The following ACOT8 variants were observed in gnomAD, a reference collection of about 807,000 sequenced individuals.
ACOT8 encodes acyl-CoA thioesterase 8.
A neutral mutation model predicts 38.4 loss-of-function variants in ACOT8; 31 were observed. That is an observed-to-expected ratio of 0.81 (90% CI 0.61 to 1.09). The LOEUF is 1.09. Among genes scored for constraint, ACOT8 ranks in the 50% least tolerant of loss-of-function variants. ACOT8 has a pLI of 0.00. For synonymous variants in ACOT8, 158 were observed against 170.3 expected, an observed-to-expected ratio of 0.93 and a Z score of 0.56; for missense variants, 373 against 421.8, an observed-to-expected ratio of 0.88 and a Z score of 1.01.
chr20:45,842,532 C>T (rs988381924), intron 5 of ACOT8: 16 of 1,008,518 alleles, frequency 1.6e-5, no homozygotes, highest in South Asian at 4.1e-5. Flanking sequence ...GAAGAGAGGA[C>T]TTGAGGCCAT....
At chr20:45,855,315 G>A in intron 1 of ACOT8, 23 bp from the exon 2 acceptor site, 7 of 1,613,212 alleles carry the variant, frequency 4.3e-6, no homozygotes, top group Non-Finnish European at 5.1e-6. Context: ...GGGGAAAGAG[G>A]GAAAGACTTG....
In ACOT8 at chr20:45,844,454, C is replaced by T. The variant is rs752014095; in HGVS notation, c.489-34G>A. The T allele has an allele frequency of 1.9e-6, 3 of 1,608,662 alleles. No homozygotes were observed. In the East Asian group the frequency reaches 6.7e-5, roughly 36 times the overall value. ...AAAGGGAAGAGGGTCGGGGTGAGAC[C>T]CAGGAAGAGAGGGAGTCACATCTGC... On this transcript the variant is annotated intron_variant, in intron 3 of 5. Transcript: ENST00000217455.
chr20:45,853,394 T>C (rs541630610), intron 2 of ACOT8: 1 of 152,390 alleles, frequency 6.6e-6, no homozygotes, highest in Non-Finnish European at 1.5e-5. Context: ...TTATGAAGAC[T>C]AAACAAGATA....
At position 45,844,894 on chromosome 20, in the gene ACOT8, C is replaced by G. The variant is rs553993501; in HGVS notation, c.489-474G>C. On this transcript the variant is annotated intron_variant, in intron 3 of 5. Coordinates refer to ENST00000217455, the MANE Select transcript of ACOT8 (RefSeq NM_005469.4). ...AAAAATTGGAGAGACAGGATTTGGA[C>G]TCAGGCAATCTGGGTCCACAGTATG... is the stretch of plus-strand genomic sequence containing the variant. Among the ~76,000 whole-genome samples the G allele has an allele frequency of 2.0e-5, 3 of 152,202 alleles. No homozygotes were observed. The East Asian group carries it at 5.8e-4, about 29-fold the overall frequency.
At chr20:45,855,724 G>C (rs1338984349) in intron 1 of ACOT8, among the ~76,000 whole-genome samples, 2 of 152,196 alleles carry the variant, frequency 1.3e-5, no homozygotes, top group Non-Finnish European at 2.9e-5. Flanking sequence ...CTGCACTCCA[G>C]CCTGGGTGAC....
Position 45,844,264 on chromosome 20 carries a change from A to G in ACOT8, c.645T>C (p.Ile215=). The change falls in exon 4 of 6, where the codon ATT becomes ATC. Residue 215 remains isoleucine (I), a splice_region_variant and synonymous_variant. Coordinates refer to ENST00000217455, the MANE Select transcript of ACOT8 (RefSeq NM_005469.4). ...CTCCCATCCATGGGGTACTCTTACC[A>G]ATATAGCCCCGGGCTCGCACCCAGA... ...QMFWVRARGY[I]GEGDMKMHCC... is the part of the protein sequence containing the mutation. 5 of 1,614,144 alleles carry G rather than the reference A, an allele frequency of 3.1e-6. No homozygotes were observed. The highest frequency in any genetic ancestry group is 4.2e-6 in the Non-Finnish European group (5 of 1,180,020).
In ACOT8 at chr20:45,857,171, C is replaced by T; in HGVS notation, c.128+17G>A. On this transcript the variant is annotated intron_variant, in intron 1 of 5. Transcript: ENST00000217455. ...CTGCCCTAAAGGAGGGGATGCTGGG[C>T]AGGAGCTGCCGGCTACCTGAAGAGA... 1 of 1,607,554 alleles carries T rather than the reference C, an allele frequency of 6.2e-7. No individual in the cohort carries two copies. The highest frequency in any genetic ancestry group is 8.5e-7 in the Non-Finnish European group (1 of 1,176,152).
chr20:45,847,755 A>G (rs1395709609), intron 3 of ACOT8: 1 of 151,194 alleles, frequency 6.6e-6, no homozygotes, highest in Non-Finnish European at 1.5e-5. Flanking sequence ...ATGTATATAT[A>G]TAAACAACAA....
At chr20:45,844,823 C>T (rs906007886) in intron 3 of ACOT8, among the ~76,000 whole-genome samples, 1 of 152,116 alleles carries the variant, frequency 6.6e-6, no homozygotes, top group Admixed American at 6.5e-5. Context: ...CTATTATCAC[C>T]CCCATTTCAT....
chr20:45,845,392 CTT>C (rs200006571), intron 3 of ACOT8, among the ~76,000 whole-genome samples: 4,638 of 152,138 alleles, frequency 0.03, 197 homozygotes, highest in Admixed American at 0.13. Flanking sequence ...GATGGGGTCT[CTT>C]TATGTTGCCC....
intron 5 of ACOT8, chr20:45,842,801 TG>T: frequency 3.0e-6 from 3 of 990,842 alleles, no homozygotes; most frequent in Non-Finnish European, 3.6e-6. Flanking sequence ...TTATCAATCT[TG>T]GATTGTGATG....
rs756689298 is a variant in ACOT8, at chr20:45,843,682, T to C, written c.686A>G (p.Tyr229Cys). 1.3e-5 allele frequency: 21 copies of C among 1,611,918 alleles called. No homozygotes were observed. Among genetic ancestry groups the C allele is most frequent in the South Asian group, 5.5e-5 (5 of 91,060 alleles). Reference protein sequence around the residue: ...DMKMHCCVAAYISDYAFLGTA... With the variant: ...DMKMHCCVAACISDYAFLGTA... ...GCCCAAGAAGGCATAGTCGGAGATA[T>C]AGGCGGCCACGCAGCAGTGCATCTT... The change falls in exon 5 of 6, where the codon TAT (tyrosine) becomes TGT (cysteine). Residue 229 changes from tyrosine (Y) to cysteine (C), a missense_variant. Transcript: ENST00000217455.
In ACOT8 at chr20:45,857,246, G is replaced by C; in HGVS notation, c.70C>G (p.Arg24Gly). The change falls in exon 1 of 6, where the codon CGT (arginine) becomes GGT (glycine). Residue 24 changes from arginine (R) to glycine (G), a missense_variant. Coordinates refer to ENST00000217455, the MANE Select transcript of ACOT8 (RefSeq NM_005469.4). ...GDRGDPPGDL[R>G]SVLVTTVLNL... ...AGCACGGTCGTGACCAAGACGCTAC[G>C]GAGGTCCCCAGGGGGATCGCCGCGG... 6.2e-7 allele frequency: 1 copy of C among 1,613,730 alleles called. No homozygotes were observed. Among genetic ancestry groups the C allele is most frequent in the South Asian group, 1.1e-5 (1 of 91,074 alleles).
rs1428004740 is a variant in ACOT8 at position 45,857,375 on chromosome 20, G to A, written c.-60C>T. ...CGCGGAAGACGCGGAGACATACACA[G>A]AACCTGACTCTTCCGGCAGATTGCC... is the stretch of plus-strand genomic sequence containing the variant. On this transcript the variant is annotated 5_prime_UTR_variant, in exon 1 of 6. Transcript: ENST00000217455. 1 of 1,527,926 alleles carries A rather than the reference G, an allele frequency of 6.5e-7. No individual in the cohort carries two copies. Among genetic ancestry groups the A allele is most frequent in the African/African-American group, 1.4e-5 (1 of 72,472 alleles). 94.6% of individuals were successfully genotyped at this position (1,527,926 alleles called of 1,614,324 possible).
chr20:45,845,447 C>T (rs568196565), intron 3 of ACOT8, among the ~76,000 whole-genome samples: 1 of 152,232 alleles, frequency 6.6e-6, no homozygotes, highest in South Asian at 2.1e-4. Flanking sequence ...CCTCCTACTT[C>T]AGCCTCCCAA....
chr20:45,850,301 C>A (rs1984980657), intron 2 of ACOT8, among the ~76,000 whole-genome samples: 1 of 152,210 alleles, frequency 6.6e-6, no homozygotes, highest in Non-Finnish European at 1.5e-5. Context: ...ATTTGGCTTT[C>A]TCCGGTTGGT....
At position 45,843,851 on chromosome 20, in the gene ACOT8, A is replaced by AGT. The variant is rs34074697; in HGVS notation, c.647-132_647-131dup. 1.9e-3 allele frequency: 2,756 copies of AGT among 1,453,494 alleles called. 1 individual carries two copies. Among genetic ancestry groups the AGT allele is most frequent in the Non-Finnish European group, 2.3e-3 (2,565 of 1,101,616 alleles). The allele number at this position is 1,453,494 out of a possible 1,614,324, so 90.0% of individuals were successfully genotyped here. ...TGCTGCACAAGAGCGCTTGGCCTAC[A>AGT]GTGTGTGTGTGTGATAGGGGAGAAG... On this transcript the variant is annotated intron_variant, in intron 4 of 5. Transcript: ENST00000217455.
chr20:45,855,379 C>T (rs1348289682), intron 1 of ACOT8, 87 bp from the exon 2 acceptor site: 1 of 1,522,316 alleles, frequency 6.6e-7, no homozygotes, highest in Admixed American at 1.8e-5. Context: ...ATGATCTCTT[C>T]ACCATATTGG....
At chr20:45,843,758 T>G in intron 4 of ACOT8, 37 bp from the exon 5 acceptor site, 1 of 1,599,858 alleles carries the variant, frequency 6.3e-7, no homozygotes, top group Non-Finnish European at 8.5e-7. Flanking sequence ...GCTCCTGGGC[T>G]TTCCAGCTCA....
Sources: gnomAD v4.1 joint callset for allele counts (sites outside exome capture counted in the v4.1 genomes callset) on GRCh38, gnomAD v4.1.1 for gene constraint, MANE v1.5 for transcripts, NCBI Gene and HGNC (gene_info 2026-07-23, HGNC 2026-07-21) for gene names.